ABCB7: variants seen among roughly 807,000 people sequenced by gnomAD.
ABCB7 encodes iron-sulfur clusters transporter ABCB7, mitochondrial.
A neutral mutation model predicts 54.4 loss-of-function variants in ABCB7; 7 were observed. The ratio of observed to expected loss-of-function variants is 0.13; its 90% confidence interval spans 0.07 to 0.24. ABCB7 has a LOEUF of 0.24. Ranked by LOEUF, ABCB7 falls within the 10% of genes least tolerant of loss-of-function variation. The pLI is 1.00. For synonymous variants in ABCB7, 218 were observed against 207.1 expected (o/e 1.05, Z -0.45); for missense variants, 356 against 570.4 (o/e 0.62, Z 3.83).
At chrX:75,111,482 C>A (rs1363241787) in intron 3 of ABCB7, among the ~76,000 whole-genome samples, 1 of 111,716 alleles carries the variant, frequency 9.0e-6, no homozygotes, top group Non-Finnish European at 1.9e-5. Flanking sequence ...GATGAAGAAA[C>A]TGAAGTACAC....
intron 3 of ABCB7, among the ~76,000 whole-genome samples, chrX:75,101,683 A>G (rs2081640935): frequency 9.0e-6 from 1 of 111,585 alleles, no homozygotes; most frequent in Admixed American, 9.5e-5. Flanking sequence ...CCACTTTCTC[A>G]TTTCATGAGT....
Position 75,060,692 on chromosome X carries a change from T to C in ABCB7, c.1936-362A>G, listed in dbSNP as rs189087852. Among the ~76,000 whole-genome samples, 9 of 111,130 alleles carry C rather than the reference T, an allele frequency of 8.1e-5. No homozygotes were observed. In the East Asian group the frequency reaches 2.5e-3, roughly 31 times the overall value. On this transcript the variant is annotated intron_variant, in intron 14 of 15. Coordinates refer to ENST00000373394, the MANE Select transcript of ABCB7 (RefSeq NM_001271696.3). ...TAATGTTTACCAATGAGAACAAAACTAAAATGAGGAGAGACTTAAGTGACA... is the reference window on the plus strand; with the variant it reads ...TAATGTTTACCAATGAGAACAAAACCAAAATGAGGAGAGACTTAAGTGACA...
At chrX:75,140,032 A>G (rs1202349736) in intron 1 of ABCB7, among the ~76,000 whole-genome samples, 1 of 111,766 alleles carries the variant, frequency 8.9e-6, no homozygotes, top group African/African-American at 3.3e-5. Flanking sequence ...TTAAATGGAG[A>G]AAAATACTAG....
chrX:75,059,346 G>A (rs193223354), intron 15 of ABCB7, among the ~76,000 whole-genome samples: 1 of 109,679 alleles, frequency 9.1e-6, no homozygotes, highest in Admixed American at 9.8e-5. Context: ...GCACATGCCT[G>A]TATAGTCCCA....
intron 1 of ABCB7, among the ~76,000 whole-genome samples, chrX:75,153,822 TACTTC>T (rs1397067355): frequency 9.6e-6 from 1 of 103,644 alleles, no homozygotes; most frequent in African/African-American, 3.5e-5. Flanking sequence ...CATGAAACAA[TACTTC>T]ACTTAAGATG....
At chrX:75,116,013 T>C (rs2081814984) in intron 1 of ABCB7, among the ~76,000 whole-genome samples, 2 of 111,983 alleles carry the variant, frequency 1.8e-5, no homozygotes, top group South Asian at 7.5e-4. Flanking sequence ...ATATATTTCT[T>C]TGACATATTC....
intron 12 of ABCB7, among the ~76,000 whole-genome samples, chrX:75,066,955 T>C (rs2081324620): frequency 8.9e-6 from 1 of 112,087 alleles, no homozygotes; most frequent in Non-Finnish European, 1.9e-5. Context: ...TGTTTCCAAC[T>C]GATGCTACTA....
At chrX:75,142,147 A>G (rs1300226496) in intron 1 of ABCB7, among the ~76,000 whole-genome samples, 3 of 111,239 alleles carry the variant, frequency 2.7e-5, no homozygotes, top group Non-Finnish European at 5.7e-5. Flanking sequence ...TCTGTGGGAG[A>G]CTGGTTCCAG....
In ABCB7 at chrX:75,073,721, T is replaced by C. The variant is rs1181568962; in HGVS notation, c.1000A>G (p.Ile334Val). Reference protein sequence around the residue: ...KADNDAGNAAIDSLLNYETVK... With the variant: ...KADNDAGNAAVDSLLNYETVK... The stretch of plus-strand genomic sequence containing the variant: ...GTTTCATAATTCAGCAGTGAGTCTA[T>C]AGCAGCATTACCTGCATCATTATCT... The change falls in exon 8 of 16, where the codon ATA (isoleucine) becomes GTA (valine). Residue 334 changes from isoleucine to valine, a missense_variant. Ile to Val is a conservative substitution (Grantham distance 29, BLOSUM62 3). Coordinates refer to ENST00000373394, the MANE Select transcript of ABCB7 (RefSeq NM_001271696.3). 1 of 1,203,648 alleles carries C rather than the reference T, an allele frequency of 8.3e-7. No homozygotes were observed. Among genetic ancestry groups the C allele is most frequent in the Non-Finnish European group, 1.1e-6 (1 of 889,191 alleles).
intron 4 of ABCB7, among the ~76,000 whole-genome samples, chrX:75,096,288 G>A (rs973393771): frequency 8.9e-6 from 1 of 111,847 alleles, no homozygotes; most frequent in Non-Finnish European, 1.9e-5. Context: ...ATGCTTTCTT[G>A]ACCTGTTGCA....
At chrX:75,146,101 C>A (rs1387964163) in intron 1 of ABCB7, among the ~76,000 whole-genome samples, 1 of 111,123 alleles carries the variant, frequency 9.0e-6, no homozygotes, top group Non-Finnish European at 1.9e-5. Flanking sequence ...ATACAGCTAA[C>A]TATAAGGAGG....
At chrX:75,060,068 G>A (rs2081270900) in intron 15 of ABCB7, among the ~76,000 whole-genome samples, 155 bp downstream of exon 15, 1 of 112,033 alleles carries the variant, frequency 8.9e-6, no homozygotes, top group Non-Finnish European at 1.9e-5. Flanking sequence ...TCTTGGAAGT[G>A]ACATGCATTA....
Position 75,124,472 on chromosome X carries a change from T to A in ABCB7, c.169-9641A>T, listed in dbSNP as rs751324207. ...ATCAAGAAAATTGCACACTGCTTCA[T>A]AAGTTTTAGCTAAGTGATGTGAGAT... On this transcript the variant is annotated intron_variant, in intron 1 of 15. Transcript: ENST00000373394. Among the ~76,000 whole-genome samples the A allele has an allele frequency of 4.5e-5, 5 of 112,254 alleles. No homozygotes were observed. The South Asian group carries it at 1.8e-3, about 41-fold the overall frequency.
chrX:75,120,705 C>T (rs1323781284), intron 1 of ABCB7, among the ~76,000 whole-genome samples: 1 of 111,577 alleles, frequency 9.0e-6, no homozygotes, highest in Non-Finnish European at 1.9e-5. Context: ...GAATGGCATG[C>T]TTTCCTTTAA....
At chrX:75,107,312 G>A (rs1271725170) in intron 3 of ABCB7, among the ~76,000 whole-genome samples, 4 of 111,202 alleles carry the variant, frequency 3.6e-5, no homozygotes, top group East Asian at 5.7e-4. Flanking sequence ...CCCTAGTACC[G>A]AACTGGGCCC....
At chrX:75,119,980 TTAGAA>T (rs1386170198) in intron 1 of ABCB7, among the ~76,000 whole-genome samples, 1 of 111,843 alleles carries the variant, frequency 8.9e-6, no homozygotes, top group East Asian at 2.8e-4. Context: ...ATTTATGAAA[TTAGAA>T]TAGAGAAAAA....
At chrX:75,145,580 C>G (rs1237959639) in intron 1 of ABCB7, among the ~76,000 whole-genome samples, 2 of 111,887 alleles carry the variant, frequency 1.8e-5, no homozygotes, top group Non-Finnish European at 3.8e-5. Context: ...GAACATACCT[C>G]AAAATATGAA....
chrX:75,073,460 T>C (rs1187684427), intron 8 of ABCB7, among the ~76,000 whole-genome samples: 2 of 111,809 alleles, frequency 1.8e-5, no homozygotes, highest in Non-Finnish European at 3.8e-5. Context: ...ACTGTATTTA[T>C]GATCACTTAT....
chrX:75,099,296 ACT>A (rs952772163), intron 3 of ABCB7, among the ~76,000 whole-genome samples: 32 of 111,768 alleles, frequency 2.9e-4, no homozygotes, highest in African/African-American at 9.4e-4. Flanking sequence ...AATTTTAGCC[ACT>A]CTCATATTGT....
Sources: allele counts gnomAD v4.1 joint callset (sites outside exome capture counted in the v4.1 genomes callset), GRCh38; gene constraint gnomAD v4.1.1; transcripts MANE v1.5; gene names NCBI Gene and HGNC (gene_info 2026-07-23, HGNC 2026-07-21).